CTNNA2: variants seen among roughly 807,000 people sequenced by gnomAD.
CTNNA2 encodes the protein catenin alpha 2, also known as catenin alpha-2.
Under a neutral mutation model 101.0 loss-of-function variants are expected in CTNNA2, and 42 were observed. The ratio of observed to expected loss-of-function variants is 0.42; its 90% confidence interval spans 0.32 to 0.54. The LOEUF (loss-of-function observed/expected upper bound fraction) is 0.54. CTNNA2 is among the 20% of genes least tolerant of loss of function. The probability of loss-of-function intolerance (pLI) is 0.14; values close to 1 mark genes in which losing one functional copy is unlikely to be tolerated. For synonymous variants in CTNNA2, 450 were observed against 456.4 expected, an observed-to-expected ratio of 0.99 and a Z score of 0.18; for missense variants, 871 against 1,223.1, an observed-to-expected ratio of 0.71 and a Z score of 4.29.
At chr2:79,775,721 GCCATTTT>G (rs1232993003) in intron 3 of CTNNA2, among the ~76,000 whole-genome samples, 5 of 152,092 alleles carry the variant, frequency 3.3e-5, no homozygotes, top group African/African-American at 1.2e-4. Flanking sequence ...ACAAATAAAT[GCCATTTT>G]CTGTGTTATC....
chr2:80,561,617 G>GCA (rs1220725495), intron 12 of CTNNA2, among the ~76,000 whole-genome samples: 2 of 152,068 alleles, frequency 1.3e-5, no homozygotes, highest in Admixed American at 1.3e-4. Flanking sequence ...GAATCTAGGA[G>GCA]CTTATTTAGA....
At chr2:80,284,441 A>G (rs148341172) in intron 7 of CTNNA2, among the ~76,000 whole-genome samples, 9 of 152,270 alleles carry the variant, frequency 5.9e-5, no homozygotes, top group Middle Eastern at 3.4e-3. Context: ...CAAAAAGGAC[A>G]GAAGTGGTGG....
At chr2:80,149,965 C>G (rs1703590402) in intron 7 of CTNNA2, among the ~76,000 whole-genome samples, 1 of 152,160 alleles carries the variant, frequency 6.6e-6, no homozygotes, top group Non-Finnish European at 1.5e-5. Flanking sequence ...CACCCTAGGC[C>G]TGTTCATTAT....
chr2:79,805,949 A>G (rs997477808), intron 3 of CTNNA2, among the ~76,000 whole-genome samples: 2 of 152,116 alleles, frequency 1.3e-5, no homozygotes, highest in Non-Finnish European at 2.9e-5. Context: ...AAAAAAAAAA[A>G]AGATAAGTTT....
chr2:79,582,199 T>A (rs1372332191), intron 1 of CTNNA2, among the ~76,000 whole-genome samples: 1 of 152,226 alleles, frequency 6.6e-6, no homozygotes, highest in Non-Finnish European at 1.5e-5. Context: ...CTTTCTATCA[T>A]TGTCATAAGA....
At chr2:79,775,377 G>A (rs1558918789) in intron 3 of CTNNA2, among the ~76,000 whole-genome samples, 1 of 152,036 alleles carries the variant, frequency 6.6e-6, no homozygotes, top group African/African-American at 2.4e-5. Context: ...TGGCATCATT[G>A]ATATTAGCAT....
chr2:80,375,562 C>CTTTTTTTTTTT (rs199662476), intron 7 of CTNNA2, among the ~76,000 whole-genome samples: 3 of 105,604 alleles, frequency 2.8e-5, no homozygotes, highest in African/African-American at 8.3e-5. Context: ...TTTCTGGCTT[C>CTTTTTTTTTTT]TTTTTTTTTT....
chr2:79,916,771 C>A (rs1418047959), intron 7 of CTNNA2, among the ~76,000 whole-genome samples: 1 of 150,750 alleles, frequency 6.6e-6, no homozygotes, highest in African/African-American at 2.4e-5. Flanking sequence ...TACAGGCACC[C>A]ACCACCACGC....
chr2:79,670,007 G>C (rs577365108), intron 2 of CTNNA2, among the ~76,000 whole-genome samples: 1 of 152,292 alleles, frequency 6.6e-6, no homozygotes, highest in South Asian at 2.1e-4. Flanking sequence ...ACGCTGGGAG[G>C]AGAGAGGCCA....
intron 7 of CTNNA2, among the ~76,000 whole-genome samples, chr2:79,912,245 C>T (rs945211964): frequency 6.6e-6 from 1 of 152,200 alleles, no homozygotes; most frequent in Non-Finnish European, 1.5e-5. Flanking sequence ...ACAATGCTTG[C>T]TTGTGGCTGA....
chr2:79,853,914 C>T (rs545883790), intron 3 of CTNNA2, among the ~76,000 whole-genome samples: 4 of 150,076 alleles, frequency 2.7e-5, no homozygotes, highest in South Asian at 2.1e-4. Flanking sequence ...GTGATCCACC[C>T]GCCTTTGCCT....
chr2:79,743,263 C>T (rs1462169038), intron 2 of CTNNA2, among the ~76,000 whole-genome samples: 1 of 152,012 alleles, frequency 6.6e-6, no homozygotes, highest in African/African-American at 2.4e-5. Context: ...CCAAACTTCT[C>T]ACTGGTAGAA....
At position 79,905,854 on chromosome 2, in the gene CTNNA2, T is replaced by C. The variant is rs190504078; in HGVS notation, c.853-3740T>C. On this transcript the variant is annotated intron_variant, in intron 6 of 18. Transcript: ENST00000402739. The stretch of plus-strand genomic sequence containing the variant: ...TTTCAAATTATACAATGGCAAATAC[T>C]CCTCCTTCTTTTCACTTTTTCATTC... 3.8e-3 allele frequency among the ~76,000 whole-genome samples: 582 copies of C among 152,298 alleles called. 2 individuals carry two copies. Among genetic ancestry groups the C allele is most frequent in the African/African-American group, 0.013 (550 of 41,562 alleles).
chr2:79,227,119 A>G (rs1265531689), intron 2 of CTNNA2, among the ~76,000 whole-genome samples: 1 of 152,272 alleles, frequency 6.6e-6, no homozygotes, highest in Non-Finnish European at 1.5e-5. Flanking sequence ...TTCATACCTC[A>G]GAGTAAACTT....
At chr2:80,321,850 G>A (rs1678725003) in intron 7 of CTNNA2, among the ~76,000 whole-genome samples, 1 of 152,164 alleles carries the variant, frequency 6.6e-6, no homozygotes, top group South Asian at 2.1e-4. Context: ...CTGCTAACAT[G>A]TTTTGCGAGG....
intron 9 of CTNNA2, among the ~76,000 whole-genome samples, chr2:80,514,139 G>T (rs1419974631): frequency 6.6e-6 from 1 of 152,154 alleles, no homozygotes; most frequent in African/African-American, 2.4e-5. Context: ...GGTGATGCAG[G>T]AGTTTTTCTC....
chr2:80,596,931 T>C (rs531074458), intron 15 of CTNNA2, among the ~76,000 whole-genome samples: 1 of 152,284 alleles, frequency 6.6e-6, no homozygotes, highest in African/African-American at 2.4e-5. Context: ...GATGTTGAAT[T>C]TTATCGAAGG....
chr2:79,484,854 T>C (rs920806455), intron 4 of CTNNA2, among the ~76,000 whole-genome samples: 1 of 152,222 alleles, frequency 6.6e-6, no homozygotes, highest in Non-Finnish European at 1.5e-5. Flanking sequence ...ATTAGTTGAA[T>C]GTCATTTTCT....
At chr2:79,691,652 G>C (rs1684309817) in intron 2 of CTNNA2, among the ~76,000 whole-genome samples, 1 of 152,030 alleles carries the variant, frequency 6.6e-6, no homozygotes, top group Non-Finnish European at 1.5e-5. Flanking sequence ...AACCAAAACA[G>C]CATGGTACTG....
Sources: allele counts gnomAD v4.1 joint callset (sites outside exome capture counted in the v4.1 genomes callset), GRCh38; gene constraint gnomAD v4.1.1; transcripts MANE v1.5; gene names NCBI Gene and HGNC (gene_info 2026-07-23, HGNC 2026-07-21).